Variants in GABRG3 observed in about 807,000 individuals in gnomAD.
GABRG3 encodes the protein gamma-aminobutyric acid receptor subunit gamma-3.
A neutral mutation model predicts 48.8 loss-of-function variants in GABRG3; 25 were observed. That is an observed-to-expected ratio of 0.51 (90% CI 0.37 to 0.72). GABRG3 has a LOEUF of 0.72. GABRG3 is among the 30% of genes least tolerant of loss of function. GABRG3 has a pLI of 0.00. For synonymous variants in GABRG3, 227 were observed against 217.6 expected (o/e 1.04, Z -0.38); for missense variants, 394 against 577.9 (o/e 0.68, Z 3.26).
At chr15:27,094,446 C>T (rs546480669) in intron 3 of GABRG3, among the ~76,000 whole-genome samples, 3 of 152,348 alleles carry the variant, frequency 2.0e-5, no homozygotes, top group Non-Finnish European at 4.4e-5. Flanking sequence ...CTCCCAGTCT[C>T]AGCCCCAGAT....
intron 3 of GABRG3, among the ~76,000 whole-genome samples, chr15:27,249,792 G>A (rs1229735080): frequency 2.0e-5 from 3 of 152,192 alleles, no homozygotes; most frequent in African/African-American, 7.2e-5. Flanking sequence ...CGTGGGGGAG[G>A]AATGGCAAAA....
intron 2 of GABRG3, among the ~76,000 whole-genome samples, chr15:26,998,882 G>A (rs1347423373): frequency 6.6e-6 from 1 of 152,040 alleles, no homozygotes; most frequent in African/African-American, 2.4e-5. Flanking sequence ...TTCTTCCTTT[G>A]CTGTATACCC....
intron 3 of GABRG3, among the ~76,000 whole-genome samples, chr15:27,212,283 C>T (rs1039708759): frequency 6.6e-5 from 10 of 152,156 alleles, no homozygotes; most frequent in Non-Finnish European, 2.9e-5. Context: ...GGCATCGCTC[C>T]GGGTGTTTCA....
intron 4 of GABRG3, among the ~76,000 whole-genome samples, chr15:27,327,425 G>A (rs561334487): frequency 2.6e-5 from 4 of 152,178 alleles, no homozygotes. Context: ...CCTAAGGGAA[G>A]TGGCAGCTCC....
At chr15:27,094,292 G>A (rs1038117337) in intron 3 of GABRG3, among the ~76,000 whole-genome samples, 2 of 152,168 alleles carry the variant, frequency 1.3e-5, no homozygotes, top group East Asian at 1.9e-4. Flanking sequence ...TCAGAAAGCC[G>A]GAGTGCATGG....
intron 5 of GABRG3, among the ~76,000 whole-genome samples, chr15:27,420,432 A>G (rs566091228): frequency 2.6e-5 from 4 of 152,336 alleles, no homozygotes; most frequent in African/African-American, 7.2e-5. Context: ...AGAGTTCAAC[A>G]TTTCAGTTAT....
intron 5 of GABRG3, among the ~76,000 whole-genome samples, chr15:27,400,703 G>C (rs559542215): frequency 1.3e-5 from 2 of 152,336 alleles, no homozygotes; most frequent in Non-Finnish European, 2.9e-5. Context: ...TTATACGTGA[G>C]TGTTCCTAGC....
intron 5 of GABRG3, among the ~76,000 whole-genome samples, chr15:27,387,168 C>A (rs1895947812): frequency 6.6e-6 from 1 of 151,652 alleles, no homozygotes; most frequent in South Asian, 2.1e-4. Context: ...TTGAGCACTG[C>A]TTTAAAACCC....
At chr15:27,523,555 G>C (rs1322155233) in intron 7 of GABRG3, among the ~76,000 whole-genome samples, 1 of 151,780 alleles carries the variant, frequency 6.6e-6, no homozygotes, top group Non-Finnish European at 1.5e-5. Flanking sequence ...ACAGTTGTTA[G>C]AATTATCTGA....
chr15:27,062,440 A>T, intron 3 of GABRG3, among the ~76,000 whole-genome samples: 1 of 127,112 alleles, frequency 7.9e-6, no homozygotes, highest in Non-Finnish European at 1.8e-5. Flanking sequence ...CTACTAAAAA[A>T]AAAAAAAAAA....
chr15:27,216,716 T>C (rs1251772251), intron 3 of GABRG3, among the ~76,000 whole-genome samples: 3 of 150,642 alleles, frequency 2.0e-5, no homozygotes, highest in Non-Finnish European at 4.4e-5. Flanking sequence ...TTGCCATTAC[T>C]TCTGACCAAT....
intron 5 of GABRG3, among the ~76,000 whole-genome samples, chr15:27,410,377 G>T (rs1198912776): frequency 6.6e-6 from 1 of 151,878 alleles, no homozygotes; most frequent in East Asian, 1.9e-4. Context: ...GTTTAGCTTG[G>T]TATTTAGGTG....
At chr15:27,130,436 G>A (rs1332227637) in intron 3 of GABRG3, among the ~76,000 whole-genome samples, 2 of 151,878 alleles carry the variant, frequency 1.3e-5, no homozygotes, top group East Asian at 1.9e-4. Flanking sequence ...ATACTTTTTT[G>A]ATTACTGTAA....
At chr15:27,454,043 G>A (rs1156997521) in intron 5 of GABRG3, among the ~76,000 whole-genome samples, 3 of 152,166 alleles carry the variant, frequency 2.0e-5, no homozygotes, top group Admixed American at 6.5e-5. Flanking sequence ...TGTCCACACC[G>A]GGAGGTAGTT....
chr15:27,182,247 T>G (rs1184273227), intron 3 of GABRG3, among the ~76,000 whole-genome samples: 1 of 152,144 alleles, frequency 6.6e-6, no homozygotes, highest in Non-Finnish European at 1.5e-5. Context: ...TGCAGGCAGG[T>G]GCCTGGGAAG....
rs1891594845 is a variant in GABRG3, at chr15:27,538,303, C to T, written c.*5422C>T. 6.6e-6 allele frequency: 1 copy of T among 152,162 alleles called. No individual in the cohort carries two copies. The highest frequency in any genetic ancestry group is 1.5e-5 in the Non-Finnish European group (1 of 68,030). The allele number at this position is 152,162 out of a possible 1,614,324, so 9.4% of individuals were successfully genotyped here. A position where few individuals can be genotyped will look rare whatever the true frequency, so the allele number is the denominator to read the frequency against. On this transcript the variant is annotated 3_prime_UTR_variant, in exon 10 of 10. Transcript: ENST00000615808. ...GAAAAACTAGTTGAACAATCAGTCA[C>T]TGACAAGTTTTCAATGTTTTGAGTT...
intron 5 of GABRG3, among the ~76,000 whole-genome samples, chr15:27,450,149 G>A (rs1889065426): frequency 6.6e-6 from 1 of 152,096 alleles, no homozygotes; most frequent in Admixed American, 6.6e-5. Flanking sequence ...AGTTTCATAG[G>A]CCTGACACCC....
rs145442090 is a variant in GABRG3 at position 27,245,270 on chromosome 15, G to A, written c.271-81539G>A. Among the ~76,000 whole-genome samples, 296 of 152,244 alleles carry A rather than the reference G, an allele frequency of 1.9e-3. 3 individuals are homozygous for A. In the South Asian group the frequency reaches 0.026, roughly 14 times the overall value. ...AAAAAGCTGGTGAAACAACCCAGCC[G>A]TTTGGAAACACCAGATTTTTCAAGG... On this transcript the variant is annotated intron_variant, in intron 3 of 9. Coordinates refer to ENST00000615808, the MANE Select transcript of GABRG3 (RefSeq NM_033223.5).
At chr15:27,169,027 T>G (rs534835587) in intron 3 of GABRG3, among the ~76,000 whole-genome samples, 1 of 152,136 alleles carries the variant, frequency 6.6e-6, no homozygotes, top group Non-Finnish European at 1.5e-5. Context: ...GAGCACACAA[T>G]AGGCATGTGG....
Sources: allele counts gnomAD v4.1 joint callset (sites outside exome capture counted in the v4.1 genomes callset), GRCh38; gene constraint gnomAD v4.1.1; transcripts MANE v1.5; gene names NCBI Gene and HGNC (gene_info 2026-07-23, HGNC 2026-07-21).